The following FBXW11 variants were observed in gnomAD, a reference collection of about 807,000 sequenced individuals.
The protein encoded by FBXW11 is F-box/WD repeat-containing protein 11.
In FBXW11, 19 loss-of-function variants were observed where a neutral mutation model predicts 77.6. That is an observed-to-expected ratio of 0.24 (90% CI 0.17 to 0.36). The LOEUF is 0.36. FBXW11 is among the 10% of genes least tolerant of loss of function. The pLI, the probability that FBXW11 is intolerant of heterozygous loss-of-function variation, is 1.00. For synonymous variants in FBXW11, 235 were observed against 249.4 expected, an observed-to-expected ratio of 0.94 and a Z score of 0.54; for missense variants, 334 against 704.2, an observed-to-expected ratio of 0.47 and a Z score of 5.95.
chr5:171,992,029 C>A (rs752991879), intron 1 of FBXW11, among the ~76,000 whole-genome samples: 7 of 151,464 alleles, frequency 4.6e-5, no homozygotes, highest in South Asian at 4.2e-4. Context: ...GTGGGAGAAT[C>A]ACTTGAACCC....
At chr5:171,976,185 A>G (rs1003505378) in intron 1 of FBXW11, among the ~76,000 whole-genome samples, 2 of 152,154 alleles carry the variant, frequency 1.3e-5, no homozygotes, top group Non-Finnish European at 2.9e-5. Context: ...CAAGTCAACG[A>G]CAGTTTTAAA....
rs539009615 is a variant in FBXW11, at chr5:171,960,632, G to C, written c.46-2934C>G. ...TAAATCAAAAAATCACAGATTGTGA[G>C]AACAGGAAGGCATTTTAAATACTAT... is the stretch of plus-strand genomic sequence containing the variant. On this transcript the variant is annotated intron_variant, in intron 1 of 13. Transcript: ENST00000517395. Among the ~76,000 whole-genome samples the C allele has an allele frequency of 4.6e-5, 7 of 152,306 alleles. No homozygotes were observed. The South Asian group carries it at 1.2e-3, about 27-fold the overall frequency.
chr5:172,005,077 A>T (rs1766651469), intron 1 of FBXW11, among the ~76,000 whole-genome samples: 1 of 152,200 alleles, frequency 6.6e-6, no homozygotes, highest in Non-Finnish European at 1.5e-5. Flanking sequence ...ATCCACAGAA[A>T]CCATGCAGCT....
In FBXW11 at chr5:171,869,955, C is replaced by T; in HGVS notation, c.1452-148G>A. ...TTATGTTTTTACAAATCATCTGAAC[C>T]AATTACACTTGATTTTGGAAAAATT... On this transcript the variant is annotated intron_variant, in intron 11 of 13. Transcript: ENST00000517395. The surrounding 1 kb of genome is among the most constrained non-coding windows in gnomAD (Gnocchi z 4.1). 1 of 454,472 alleles carries T rather than the reference C, an allele frequency of 2.2e-6. No individual in the cohort carries two copies. Among genetic ancestry groups the T allele is most frequent in the Non-Finnish European group, 4.0e-6 (1 of 248,362 alleles). The allele number at this position is 454,472 out of a possible 1,614,324, so 28.2% of individuals were successfully genotyped here.
chr5:171,930,762 TAAAAAAA>T (rs59700625), intron 2 of FBXW11, among the ~76,000 whole-genome samples: 3 of 126,536 alleles, frequency 2.4e-5, no homozygotes, highest in Non-Finnish European at 3.3e-5. Context: ...AATAAAAAAA[TAAAAAAA>T]AAAAAAAGAA....
intron 1 of FBXW11, among the ~76,000 whole-genome samples, chr5:171,972,502 TAAAAAA>T (rs70982360): frequency 4.6e-3 from 223 of 48,212 alleles, no homozygotes; most frequent in Non-Finnish European, 6.3e-3. Context: ...CTCTGTCTCA[TAAAAAA>T]AAAAAAAAAA....
chr5:171,897,785 T>C (rs1040673211), intron 6 of FBXW11, among the ~76,000 whole-genome samples: 21 of 150,464 alleles, frequency 1.4e-4, no homozygotes, highest in African/African-American at 4.6e-4. Flanking sequence ...GAGGGTAATG[T>C]AGTTTATAAG....
intron 4 of FBXW11, among the ~76,000 whole-genome samples, chr5:171,906,463 C>A (rs1001431620): frequency 6.6e-6 from 1 of 152,130 alleles, no homozygotes; most frequent in Admixed American, 6.5e-5. Context: ...GTGACAGACA[C>A]CTATATGATG....
chr5:171,875,250 T>TAAAA (rs55689036), intron 9 of FBXW11, among the ~76,000 whole-genome samples: 2 of 148,094 alleles, frequency 1.4e-5, no homozygotes, highest in African/African-American at 5.3e-5. Context: ...TCTGTACTTT[T>TAAAA]AAAAAAAAAA....
At chr5:172,002,996 C>T (rs1396918455) in intron 1 of FBXW11, among the ~76,000 whole-genome samples, 5 of 152,104 alleles carry the variant, frequency 3.3e-5, no homozygotes, top group Non-Finnish European at 7.4e-5. Context: ...CCTGCCCACA[C>T]CTTCTTAATA....
intron 3 of FBXW11, among the ~76,000 whole-genome samples, chr5:171,913,167 T>C (rs553292231): frequency 2.6e-5 from 4 of 152,342 alleles, no homozygotes; most frequent in African/African-American, 9.6e-5. Context: ...TAATGGTTCA[T>C]AACAGGTTAA....
intron 7 of FBXW11, among the ~76,000 whole-genome samples, chr5:171,888,496 C>A (rs1045286704): frequency 1.3e-5 from 2 of 152,202 alleles, no homozygotes; most frequent in East Asian, 3.8e-4. Context: ...TTAGAGCCAT[C>A]CCCGCAACCC....
chr5:171,942,876 T>C (rs530127719), intron 2 of FBXW11, among the ~76,000 whole-genome samples: 22 of 152,118 alleles, frequency 1.4e-4, no homozygotes, highest in Non-Finnish European at 2.6e-4. Context: ...AAATAAGGGG[T>C]TCATCCATCT....
intron 1 of FBXW11, among the ~76,000 whole-genome samples, chr5:171,991,316 C>T (rs1156617397): frequency 1.3e-5 from 2 of 152,060 alleles, no homozygotes; most frequent in Non-Finnish European, 2.9e-5. Context: ...AAATAGCATA[C>T]GACAAAAATA....
chr5:171,956,764 A>G (rs1365319331), intron 2 of FBXW11, among the ~76,000 whole-genome samples: 1 of 152,250 alleles, frequency 6.6e-6, no homozygotes, highest in African/African-American at 2.4e-5. Flanking sequence ...TTTCAAAGAT[A>G]TATCAAACTG....
intron 2 of FBXW11, among the ~76,000 whole-genome samples, chr5:171,938,804 AC>A (rs1263075935): frequency 6.6e-6 from 1 of 152,224 alleles, no homozygotes; most frequent in Middle Eastern, 3.2e-3. Flanking sequence ...TATGAACACA[AC>A]AGAGTACTAT....
At chr5:171,946,132 A>G (rs1762996336) in intron 2 of FBXW11, among the ~76,000 whole-genome samples, 1 of 152,162 alleles carries the variant, frequency 6.6e-6, no homozygotes, top group Admixed American at 6.5e-5. Flanking sequence ...AGAAGGATAA[A>G]TTTTGCCTCC....
intron 1 of FBXW11, among the ~76,000 whole-genome samples, chr5:171,999,257 G>A (rs1429095298): frequency 6.6e-6 from 1 of 151,982 alleles, no homozygotes; most frequent in South Asian, 2.1e-4. Flanking sequence ...TTCAAGGTAC[G>A]ACTATCCAAA....
intron 1 of FBXW11, among the ~76,000 whole-genome samples, chr5:171,988,317 C>G (rs1290014712): frequency 1.3e-5 from 2 of 151,358 alleles, no homozygotes; most frequent in East Asian, 3.9e-4. Context: ...CTTGTTGTGC[C>G]AAAAAAGCCA....
Sources: gnomAD v4.1 joint callset for allele counts (sites outside exome capture counted in the v4.1 genomes callset) on GRCh38, gnomAD v4.1.1 for gene constraint, Gnocchi (gnomAD v3.1) non-coding constraint, MANE v1.5 for transcripts, NCBI Gene and HGNC (gene_info 2026-07-23, HGNC 2026-07-21) for gene names.